SERTM2: variants seen among roughly 807,000 people sequenced by gnomAD.
The protein encoded by SERTM2 is serine-rich and transmembrane domain-containing protein 2.
At chrX:111,512,136 A>C (rs996652537) in intron 2 of SERTM2, 42 bp downstream of exon 2, 10 of 289,963 alleles carry the variant, frequency 3.4e-5, no homozygotes, top group African/African-American at 2.8e-5. Context: ...ATCCCGGTGA[A>C]GTGAGAGGCA....
chrX:111,515,470 C>T, intron 2 of SERTM2, among the ~76,000 whole-genome samples: 1 of 111,066 alleles, frequency 9.0e-6, no homozygotes, highest in Admixed American at 9.6e-5. Flanking sequence ...AGCAATTGAG[C>T]TGTGTGGGCT....
At chrX:111,514,942 C>G (rs1268668019) in intron 2 of SERTM2, among the ~76,000 whole-genome samples, 2 of 109,309 alleles carry the variant, frequency 1.8e-5, no homozygotes, top group Admixed American at 2.0e-4. Flanking sequence ...TCACAAAATT[C>G]AGAATATTGG....
rs1930395995 is a variant in SERTM2, at chrX:111,520,612, A to G, written c.*1482A>G. The stretch of plus-strand genomic sequence containing the variant: ...CCCTTTTTCTCTGATCTAAATCTAG[A>G]TTGGTAGTGAAATTCCCAAGTGCTT... On this transcript the variant is annotated 3_prime_UTR_variant, in exon 3 of 3. Transcript: ENST00000569275. 1 of 111,456 alleles carries G rather than the reference A, an allele frequency of 9.0e-6. No individual in the cohort carries two copies. The highest frequency in any genetic ancestry group is 9.6e-5 in the Admixed American group (1 of 10,470). The allele number at this position is 111,456 out of a possible 1,213,427, so 9.2% of individuals were successfully genotyped here.
chrX:111,516,933 G>T (rs1198256062), intron 2 of SERTM2, among the ~76,000 whole-genome samples: 1 of 111,361 alleles, frequency 9.0e-6, no homozygotes, highest in East Asian at 2.8e-4. Context: ...GACAGGTGAT[G>T]GTTGTTTATA....
rs1348837526 is a variant in SERTM2 at position 111,520,366 on chromosome X, G to T, written c.*1236G>T. 1.8e-5 allele frequency: 2 copies of T among 111,535 alleles called. No homozygotes were observed. The highest frequency in any genetic ancestry group is 2.8e-4 in the East Asian group (1 of 3,566). 9.2% of individuals were successfully genotyped at this position (111,535 alleles called of 1,213,427 possible). A position where few individuals can be genotyped will look rare whatever the true frequency, so the allele number is the denominator to read the frequency against. On this transcript the variant is annotated 3_prime_UTR_variant, in exon 3 of 3. Transcript: ENST00000569275. Reference sequence around the variant, plus strand: ...TTACAAATCAGAATTTAAAAAACTGGTCATATTCTTGCCACCAAAGGACGA... The same window carrying T: ...TTACAAATCAGAATTTAAAAAACTGTTCATATTCTTGCCACCAAAGGACGA...
chrX:111,517,577 A>G lies in SERTM2; in HGVS notation c.-783-498A>G, dbSNP rs142655752. Among the ~76,000 whole-genome samples the G allele has an allele frequency of 4.8e-3, 535 of 111,449 alleles. 3 individuals carry two copies. Among genetic ancestry groups the G allele is most frequent in the African/African-American group, 0.016 (488 of 30,658 alleles). ...GAACCTTCTTTTTGTGGGCAAAAGC[A>G]TTCCACCATGTAAATAGGGTCAACT... is the stretch of plus-strand genomic sequence containing the variant. On this transcript the variant is annotated intron_variant, in intron 2 of 2. Coordinates refer to ENST00000569275, the MANE Select transcript of SERTM2 (RefSeq NM_001354473.2).
intron 2 of SERTM2, among the ~76,000 whole-genome samples, chrX:111,514,884 TA>T (rs1930283248): frequency 9.1e-6 from 1 of 109,828 alleles, no homozygotes. Flanking sequence ...CGTTTAGGCA[TA>T]GGGGTGTGTG....
rs1930381699 is a variant in SERTM2 at position 111,519,788 on chromosome X, TATTA to T, written c.*662_*665del. 8.9e-6 allele frequency: 1 copy of T among 112,052 alleles called. No homozygotes were observed. Among genetic ancestry groups the T allele is most frequent in the Non-Finnish European group, 1.9e-5 (1 of 53,207 alleles). The allele number at this position is 112,052 out of a possible 1,213,427, so 9.2% of individuals were successfully genotyped here. On this transcript the variant is annotated 3_prime_UTR_variant, in exon 3 of 3. Transcript: ENST00000569275. ...GAGAAAAATGTGCATATTATATCCATATTAATTCTATTCATGCAGCTTCTTTGTC... is the reference window on the plus strand; with the variant it reads ...GAGAAAAATGTGCATATTATATCCATATTCTATTCATGCAGCTTCTTTGTC...
Position 111,519,375 on chromosome X carries a change from T to G in SERTM2, c.*245T>G. ...AGACAGCTGGTTGGGAGGGCTGGTT[T>G]CCATAGTAACCAAACAGTGCCTGGG... On this transcript the variant is annotated 3_prime_UTR_variant, in exon 3 of 3. Transcript: ENST00000569275. 1 of 211,213 alleles carries G rather than the reference T, an allele frequency of 4.7e-6. No individual in the cohort carries two copies. The highest frequency in any genetic ancestry group is 8.6e-6 in the Non-Finnish European group (1 of 115,872). 17.4% of individuals were successfully genotyped at this position (211,213 alleles called of 1,213,427 possible). A position where few individuals can be genotyped will look rare whatever the true frequency, so the allele number is the denominator to read the frequency against.
At chrX:111,513,106 T>A (rs931944141) in intron 2 of SERTM2, among the ~76,000 whole-genome samples, 2 of 110,181 alleles carry the variant, frequency 1.8e-5, no homozygotes, top group African/African-American at 6.6e-5. Flanking sequence ...TCTCTTCCTC[T>A]TTTTTTGCTC....
chrX:111,521,416 T>G lies in SERTM2; in HGVS notation c.*2286T>G, dbSNP rs1930408739. ...ATAACACCCCCCACCCAATTTCCAG[T>G]GACAATATAAATGGAAATGCTTTTA... On this transcript the variant is annotated 3_prime_UTR_variant, in exon 3 of 3. Coordinates refer to ENST00000569275, the MANE Select transcript of SERTM2 (RefSeq NM_001354473.2). 1 of 110,660 alleles carries G rather than the reference T, an allele frequency of 9.0e-6. No homozygotes were observed. The highest frequency in any genetic ancestry group is 9.7e-5 in the Admixed American group (1 of 10,333). The allele number at this position is 110,660 out of a possible 1,213,427, so 9.1% of individuals were successfully genotyped here. A position where few individuals can be genotyped will look rare whatever the true frequency, so the allele number is the denominator to read the frequency against.
chrX:111,517,494 T>C (rs1930334872), intron 2 of SERTM2, among the ~76,000 whole-genome samples: 1 of 110,971 alleles, frequency 9.0e-6, no homozygotes. Context: ...CCAGAAGGAA[T>C]TGAGAGGGTG....
At position 111,518,926 on chromosome X, in the gene SERTM2, A is replaced by G. The variant is rs148740062; in HGVS notation, c.69A>G (p.Thr23=). The part of the protein sequence containing the change: ...TGRAHFPTLA[T]EVDTSSDKYS... ...GTGCCCATTTTCCCACTCTGGCAACAGAGGTTGATACCTCTTCAGACAAGT... is the reference window on the plus strand; with the variant it reads ...GTGCCCATTTTCCCACTCTGGCAACGGAGGTTGATACCTCTTCAGACAAGT... The change falls in exon 3 of 3, where the codon ACA becomes ACG. Residue 23 remains threonine, a synonymous_variant. Transcript: ENST00000569275. 319 of 296,237 alleles carry G rather than the reference A, an allele frequency of 1.1e-3. 2 individuals carry two copies. The East Asian group carries it at 0.015, about 14-fold the overall frequency. The allele number at this position is 296,237 out of a possible 1,213,427, so 24.4% of individuals were successfully genotyped here.
rs908260450 is a variant in SERTM2 at position 111,519,237 on chromosome X, G to A, written c.*107G>A. On this transcript the variant is annotated 3_prime_UTR_variant, in exon 3 of 3. Coordinates refer to ENST00000569275, the MANE Select transcript of SERTM2 (RefSeq NM_001354473.2). ...AGCTTCCCATGTAGGGAATCCACAA[G>A]TTGTTCATTTAACAGCAAGCTGTTC... The A allele has an allele frequency of 4.4e-5, 13 of 292,894 alleles. No individual in the cohort carries two copies. The highest frequency in any genetic ancestry group is 7.1e-5 in the Non-Finnish European group (12 of 168,402). The allele number at this position is 292,894 out of a possible 1,213,427, so 24.1% of individuals were successfully genotyped here.
At position 111,518,322 on chromosome X, in the gene SERTM2, G is replaced by A. The variant is rs1199776520; in HGVS notation, c.-536G>A. 1.8e-5 allele frequency: 2 copies of A among 111,580 alleles called. No homozygotes were observed. Among genetic ancestry groups the A allele is most frequent in the African/African-American group, 3.3e-5 (1 of 30,758 alleles). 9.2% of individuals were successfully genotyped at this position (111,580 alleles called of 1,213,427 possible). A position where few individuals can be genotyped will look rare whatever the true frequency, so the allele number is the denominator to read the frequency against. ...GGAAGGTTCAGAAATACAGATAAAC[G>A]GGGTGAAAACTCAGATAAGCTGAGC... On this transcript the variant is annotated 5_prime_UTR_variant, in exon 3 of 3. Coordinates refer to ENST00000569275, the MANE Select transcript of SERTM2 (RefSeq NM_001354473.2).
Position 111,519,468 on chromosome X carries a change from G to A in SERTM2, c.*338G>A, listed in dbSNP as rs1930375477. ...TGTAAGAAGCACAGGGTCCCTGGAA[G>A]CTCCAAAAACAAACAAAGAAGATTT... is the stretch of plus-strand genomic sequence containing the variant. On this transcript the variant is annotated 3_prime_UTR_variant, in exon 3 of 3. Transcript: ENST00000569275. 1.5e-5 allele frequency: 2 copies of A among 134,234 alleles called. No individual in the cohort carries two copies. Among genetic ancestry groups the A allele is most frequent in the Non-Finnish European group, 2.9e-5 (2 of 68,248 alleles). The allele number at this position is 134,234 out of a possible 1,213,427, so 11.1% of individuals were successfully genotyped here.
intron 2 of SERTM2, among the ~76,000 whole-genome samples, chrX:111,512,582 G>A (rs1223073443): frequency 9.0e-6 from 1 of 111,614 alleles, no homozygotes; most frequent in East Asian, 2.8e-4. Flanking sequence ...ACCAAACAGA[G>A]ATCAGGGTAC....
Position 111,519,585 on chromosome X carries a change from CA to C in SERTM2, c.*458del, listed in dbSNP as rs1930378163. On this transcript the variant is annotated 3_prime_UTR_variant, in exon 3 of 3. Transcript: ENST00000569275. Reference sequence around the variant, plus strand: ...TTGATCCTAGAGAATCACCTCTATACAAAGTTAAATTATGTCAGAAGTTAAT... The same window carrying C: ...TTGATCCTAGAGAATCACCTCTATACAAGTTAAATTATGTCAGAAGTTAAT... 8.9e-6 allele frequency: 1 copy of C among 112,330 alleles called. No individual in the cohort carries two copies. Among genetic ancestry groups the C allele is most frequent in the Non-Finnish European group, 1.9e-5 (1 of 53,470 alleles). 9.3% of individuals were successfully genotyped at this position (112,330 alleles called of 1,213,427 possible). A position where few individuals can be genotyped will look rare whatever the true frequency, so the allele number is the denominator to read the frequency against.
intron 2 of SERTM2, among the ~76,000 whole-genome samples, chrX:111,515,780 G>A (rs1334606215): frequency 2.7e-5 from 3 of 110,829 alleles, no homozygotes; most frequent in Non-Finnish European, 5.7e-5. Flanking sequence ...TGTCCCCAGA[G>A]ATTCTAATCT....
Sources: allele counts gnomAD v4.1 joint callset (sites outside exome capture counted in the v4.1 genomes callset), GRCh38; gene constraint gnomAD v4.1.1; transcripts MANE v1.5; gene names NCBI Gene and HGNC (gene_info 2026-07-23, HGNC 2026-07-21).